The following CRTC1 variants were observed in gnomAD, a reference collection of about 807,000 sequenced individuals.
The protein encoded by CRTC1 is CREB regulated transcription coactivator 1.
In CRTC1, 18 loss-of-function variants were observed where a neutral mutation model predicts 66.1. That is an observed-to-expected ratio of 0.27 (90% CI 0.19 to 0.40). CRTC1 has a LOEUF of 0.40. CRTC1 is among the 10% of genes least tolerant of loss of function. CRTC1 has a pLI of 1.00. For missense variants in CRTC1, 669 were observed against 887.9 expected (o/e 0.75, Z 3.13); for synonymous variants, 416 against 398.8 (o/e 1.04, Z -0.51).
At chr19:18,770,684 TACATTTGTGGATGTGTGG>T (rs1283432919) in intron 10 of CRTC1, among the ~76,000 whole-genome samples, 3 of 152,018 alleles carry the variant, frequency 2.0e-5, no homozygotes, top group Non-Finnish European at 4.4e-5. Context: ...CGTGGGTATG[TACATTTGTGGATGTGTGG>T]ACATTTGTGG....
At chr19:18,752,978 C>A (rs1336962737) in intron 5 of CRTC1, among the ~76,000 whole-genome samples, 1 of 151,390 alleles carries the variant, frequency 6.6e-6, no homozygotes, top group Non-Finnish European at 1.5e-5. Context: ...TTATTTAAAG[C>A]TGATAGGCGG....
intron 1 of CRTC1, among the ~76,000 whole-genome samples, chr19:18,712,847 C>T (rs1015368282): frequency 6.6e-6 from 1 of 151,982 alleles, no homozygotes; most frequent in African/African-American, 2.4e-5. Flanking sequence ...GTAATCCCAG[C>T]TACCTGGGAG....
intron 4 of CRTC1, among the ~76,000 whole-genome samples, chr19:18,748,042 A>C (rs539010340): frequency 3.9e-5 from 6 of 152,304 alleles, no homozygotes; most frequent in Non-Finnish European, 2.9e-5. Context: ...ATGCCACTAC[A>C]GTCCAGCCTG....
rs1030801722 is a variant in CRTC1 at position 18,753,555 on chromosome 19, C to T, written c.594C>T (p.Asn198=). 2.5e-6 allele frequency: 4 copies of T among 1,612,956 alleles called. No individual in the cohort carries two copies. The highest frequency in any genetic ancestry group is 8.5e-7 in the Non-Finnish European group (1 of 1,179,384). ...MEETTSEADK[N]LSKQAWDTKK... Reference sequence around the variant, plus strand: ...AGACCACATCAGAGGCAGACAAAAACCTTTCCAAGCAAGCATGGGACACCA... The same window carrying T: ...AGACCACATCAGAGGCAGACAAAAATCTTTCCAAGCAAGCATGGGACACCA... Residue 198 remains asparagine, a synonymous_variant, in exon 6 of 14, where the codon AAC becomes AAT. Coordinates refer to ENST00000321949, the MANE Select transcript of CRTC1 (RefSeq NM_015321.3).
At chr19:18,745,723 G>A in intron 2 of CRTC1, 100 bp from the exon 3 acceptor site, 1 of 1,475,758 alleles carries the variant, frequency 6.8e-7, no homozygotes. Context: ...GCTCCAGAGT[G>A]GGGGGCCCTG....
rs1362309291 is a variant in CRTC1, at chr19:18,777,583, A to ACCCG, written c.*209_*212dup. 1.5e-5 allele frequency: 8 copies of ACCCG among 527,688 alleles called. No individual in the cohort carries two copies. Among genetic ancestry groups the ACCCG allele is most frequent in the Admixed American group, 3.7e-5 (1 of 27,138 alleles). The allele number at this position is 527,688 out of a possible 1,614,324, so 32.7% of individuals were successfully genotyped here. A position where few individuals can be genotyped will look rare whatever the true frequency, so the allele number is the denominator to read the frequency against. ...AGGCCGCGAGCCGGGCCGTCCACCC[A>ACCCG]CCCGCCCGCCCAGGGCTGGGCTGGG... On this transcript the variant is annotated 3_prime_UTR_variant, in exon 14 of 14. Coordinates refer to ENST00000321949, the MANE Select transcript of CRTC1 (RefSeq NM_015321.3). This position sits in a 1 kb window ranked among gnomAD's most constrained non-coding sequence, Gnocchi z 5.5.
chr19:18,770,828 A>G (rs1393331415), intron 10 of CRTC1, among the ~76,000 whole-genome samples: 1 of 142,922 alleles, frequency 7.0e-6, no homozygotes, highest in Non-Finnish European at 1.5e-5. Flanking sequence ...GGGTGTGTCC[A>G]TGTGGGTGTG....
At chr19:18,723,526 C>T (rs1184224628) in intron 1 of CRTC1, among the ~76,000 whole-genome samples, 1 of 152,238 alleles carries the variant, frequency 6.6e-6, no homozygotes, top group Non-Finnish European at 1.5e-5. Flanking sequence ...CACGTGGTGT[C>T]TCCATGCTGT....
intron 8 of CRTC1, among the ~76,000 whole-genome samples, chr19:18,761,936 T>C (rs1471976287): frequency 6.6e-6 from 1 of 152,146 alleles, no homozygotes; most frequent in African/African-American, 2.4e-5. Context: ...CGCGGGGCTC[T>C]GCCACTGGAC....
At chr19:18,773,574 G>A (rs2054918616) in intron 11 of CRTC1, among the ~76,000 whole-genome samples, 1 of 152,004 alleles carries the variant, frequency 6.6e-6, no homozygotes, top group Non-Finnish European at 1.5e-5. Flanking sequence ...CCAGCTCTAC[G>A]ACAGCCAGGA....
At position 18,768,784 on chromosome 19, in the gene CRTC1, C is replaced by T; in HGVS notation, c.1311C>T (p.Asp437=). The T allele has an allele frequency of 1.9e-6, 3 of 1,599,726 alleles. No individual in the cohort carries two copies. Among genetic ancestry groups the T allele is most frequent in the South Asian group, 1.1e-5 (1 of 88,430 alleles). The part of the protein sequence containing the change: ...ENPGQPSMGI[D]IASAPALQQY... ...CTGGCCAGCCATCGATGGGGATCGACATCGCCTCGGTAAGCCCAGGGTGGG... is the reference window on the plus strand; with the variant it reads ...CTGGCCAGCCATCGATGGGGATCGATATCGCCTCGGTAAGCCCAGGGTGGG... Residue 437 remains aspartate (D), a synonymous_variant, in exon 10 of 14, where the codon GAC becomes GAT. Coordinates refer to ENST00000321949, the MANE Select transcript of CRTC1 (RefSeq NM_015321.3). The surrounding 1 kb of genome is among the most constrained non-coding windows in gnomAD (Gnocchi z 5.6).
chr19:18,710,244 G>T (rs1347174324), intron 1 of CRTC1, among the ~76,000 whole-genome samples: 2 of 152,140 alleles, frequency 1.3e-5, no homozygotes, highest in Admixed American at 1.3e-4. Context: ...TACCCACCCA[G>T]CTGCCCGGCC....
At chr19:18,763,215 G>A (rs1433931718) in intron 8 of CRTC1, among the ~76,000 whole-genome samples, 1 of 151,802 alleles carries the variant, frequency 6.6e-6, no homozygotes, top group Non-Finnish European at 1.5e-5. Flanking sequence ...ATTCTCCTAC[G>A]TCAACCTCCC....
Position 18,688,541 on chromosome 19 carries a change from C to T in CRTC1, c.126+4713C>T, listed in dbSNP as rs138067991. Among the ~76,000 whole-genome samples, 892 of 152,036 alleles carry T rather than the reference C, an allele frequency of 5.9e-3. 20 individuals are homozygous for T. The highest frequency in any genetic ancestry group is 0.02 in the African/African-American group (837 of 41,440). ...GCAACCTCCGCCTCCTGGGTTCAAG[C>T]GATTCTTCTGCCTCAGCCTCCCAAG... On this transcript the variant is annotated intron_variant, in intron 1 of 13. Coordinates refer to ENST00000321949, the MANE Select transcript of CRTC1 (RefSeq NM_015321.3).
intron 12 of CRTC1, 97 bp downstream of exon 12, chr19:18,775,083 G>A (rs2054955163): frequency 2.1e-5 from 26 of 1,214,132 alleles, no homozygotes; most frequent in Non-Finnish European, 2.9e-5. Flanking sequence ...AGAGCTGCAC[G>A]TGCTCGGGGG....
chr19:18,742,462 G>A (rs2054132508), intron 1 of CRTC1, among the ~76,000 whole-genome samples: 2 of 152,186 alleles, frequency 1.3e-5, no homozygotes, highest in Non-Finnish European at 2.9e-5. Flanking sequence ...CCATCACCAC[G>A]CTTCTGAGAC....
At position 18,777,089 on chromosome 19, in the gene CRTC1, C is replaced by A; in HGVS notation, c.1694-82C>A. The A allele has an allele frequency of 2.5e-6, 2 of 787,100 alleles. No individual in the cohort carries two copies. Among genetic ancestry groups the A allele is most frequent in the Non-Finnish European group, 2.2e-6 (1 of 461,202 alleles). The allele number at this position is 787,100 out of a possible 1,614,324, so 48.8% of individuals were successfully genotyped here. Reference sequence around the variant, plus strand: ...ATACCCAGGGGACAGAGTCGCCCGGCGGGCATGCCTGGTCCGACACATGGA... The same window carrying A: ...ATACCCAGGGGACAGAGTCGCCCGGAGGGCATGCCTGGTCCGACACATGGA... On this transcript the variant is annotated intron_variant, in intron 13 of 13. Coordinates refer to ENST00000321949, the MANE Select transcript of CRTC1 (RefSeq NM_015321.3). The surrounding 1 kb of genome is among the most constrained non-coding windows in gnomAD (Gnocchi z 5.5).
intron 1 of CRTC1, among the ~76,000 whole-genome samples, chr19:18,689,588 T>TATGC (rs2052778983): frequency 9.1e-6 from 1 of 109,568 alleles, no homozygotes; most frequent in Admixed American, 1.0e-4. Flanking sequence ...TATATATATG[T>TATGC]AATATAACAC....
At chr19:18,753,275 C>CTAAATAAATAAATAAATAAA (rs59575360) in intron 5 of CRTC1, among the ~76,000 whole-genome samples, 1 of 145,976 alleles carries the variant, frequency 6.9e-6, no homozygotes, top group African/African-American at 2.6e-5. Flanking sequence ...GACTCCGTCT[C>CTAAATAAATAAATAAATAAA]TAAATAAATA....
Sources: gnomAD v4.1 joint callset for allele counts (sites outside exome capture counted in the v4.1 genomes callset) on GRCh38, gnomAD v4.1.1 for gene constraint, Gnocchi (gnomAD v3.1) non-coding constraint, MANE v1.5 for transcripts, NCBI Gene and HGNC (gene_info 2026-07-23, HGNC 2026-07-21) for gene names.